The following NEK11 variants were observed in gnomAD, a reference collection of about 807,000 sequenced individuals.
The protein encoded by NEK11 is serine/threonine-protein kinase Nek11.
In NEK11, 72 loss-of-function variants were observed where a neutral mutation model predicts 80.7. The observed-to-expected ratio is 0.89, with a 90% confidence interval of 0.74 to 1.08. NEK11 has a LOEUF of 1.08. Ranked by LOEUF, NEK11 falls within the 50% of genes least tolerant of loss-of-function variation. The pLI is 0.00. For synonymous variants in NEK11, 251 were observed against 260.7 expected (o/e 0.96, Z 0.36); for missense variants, 764 against 763.6 (o/e 1.00, Z -0.01).
At chr3:131,031,122 G>A (rs980016096) in intron 3 of NEK11, among the ~76,000 whole-genome samples, 3 of 152,322 alleles carry the variant, frequency 2.0e-5, no homozygotes, top group Admixed American at 6.5e-5. Flanking sequence ...CATAGGAATT[G>A]TAAAGGTAAA....
chr3:131,294,962 T>A (rs1346983101), intron 17 of NEK11, among the ~76,000 whole-genome samples: 2 of 152,184 alleles, frequency 1.3e-5, no homozygotes, highest in Non-Finnish European at 2.9e-5. Flanking sequence ...TAATTGTGTC[T>A]TTATATTTAA....
intron 3 of NEK11, among the ~76,000 whole-genome samples, chr3:131,073,836 G>A (rs2073878065): frequency 6.6e-6 from 1 of 152,156 alleles, no homozygotes; most frequent in African/African-American, 2.4e-5. Flanking sequence ...GCCTGCACAT[G>A]CAATTCTGCC....
intron 17 of NEK11, among the ~76,000 whole-genome samples, chr3:131,341,210 C>T (rs1287096647): frequency 2.0e-5 from 3 of 152,072 alleles, no homozygotes; most frequent in Non-Finnish European, 4.4e-5. Flanking sequence ...GGCAATATTC[C>T]AAGACTAGAA....
At chr3:131,038,756 C>T (rs2066015863) in intron 3 of NEK11, among the ~76,000 whole-genome samples, 1 of 152,154 alleles carries the variant, frequency 6.6e-6, no homozygotes, top group Non-Finnish European at 1.5e-5. Context: ...GTATTAGTGT[C>T]AGCAGTAAAA....
chr3:131,127,269 CTA>C (rs1468520676), intron 5 of NEK11, among the ~76,000 whole-genome samples: 1 of 152,032 alleles, frequency 6.6e-6, no homozygotes, highest in Non-Finnish European at 1.5e-5. Context: ...CTAGCCTTTT[CTA>C]TGTTTTTAAT....
chr3:131,142,147 G>A (rs1442917339), intron 7 of NEK11, among the ~76,000 whole-genome samples: 2 of 152,228 alleles, frequency 1.3e-5, no homozygotes, highest in African/African-American at 4.8e-5. Flanking sequence ...GAGAGAAAGA[G>A]CATGTGTCTG....
chr3:131,152,713 T>G lies in NEK11; in HGVS notation c.876+4T>G. ...TTACCTTGATGAGCAGCTACAGGTA[T>G]TTAAAATGAAAGGGATTCTGGGAAA... On this transcript the variant is annotated splice_donor_region_variant and intron_variant, in intron 9 of 17. Transcript: ENST00000383366. 1 of 1,599,264 alleles carries G rather than the reference T, an allele frequency of 6.3e-7. No homozygotes were observed. The highest frequency in any genetic ancestry group is 8.6e-7 in the Non-Finnish European group (1 of 1,167,902).
intron 13 of NEK11, 135 bp from the exon 14 acceptor site, chr3:131,170,638 T>A: frequency 3.2e-6 from 2 of 628,744 alleles, no homozygotes; most frequent in East Asian, 2.7e-5. Flanking sequence ...CCTCCTGAAG[T>A]TTGAAAACGT....
chr3:131,144,156 T>C (rs959835377), intron 7 of NEK11, among the ~76,000 whole-genome samples: 3 of 152,248 alleles, frequency 2.0e-5, no homozygotes, highest in Non-Finnish European at 4.4e-5. Flanking sequence ...ATTTTCTCAG[T>C]AGTTCCGGAC....
At chr3:131,213,943 C>T (rs1208730167) in intron 14 of NEK11, among the ~76,000 whole-genome samples, 5 of 152,102 alleles carry the variant, frequency 3.3e-5, no homozygotes, top group African/African-American at 4.8e-5. Context: ...GGATTAGTTC[C>T]GTTGTAAGTA....
intron 17 of NEK11, among the ~76,000 whole-genome samples, chr3:131,346,986 A>G (rs1328362393): frequency 6.6e-6 from 1 of 152,242 alleles, no homozygotes; most frequent in Non-Finnish European, 1.5e-5. Flanking sequence ...GGTGGAAGAA[A>G]GAGTGGGCTA....
intron 17 of NEK11, among the ~76,000 whole-genome samples, chr3:131,315,282 C>A (rs1446310012): frequency 6.6e-6 from 1 of 152,140 alleles, no homozygotes; most frequent in Non-Finnish European, 1.5e-5. Flanking sequence ...TCCCTCCCCC[C>A]AACAGCCACC....
At chr3:131,323,237 C>A (rs1581935907) in intron 17 of NEK11, among the ~76,000 whole-genome samples, 1 of 152,228 alleles carries the variant, frequency 6.6e-6, no homozygotes, top group Non-Finnish European at 1.5e-5. Context: ...CTCAGCATTT[C>A]TAGGCAAAAA....
intron 14 of NEK11, among the ~76,000 whole-genome samples, chr3:131,174,208 C>A (rs145033819): frequency 2.6e-5 from 4 of 152,212 alleles, no homozygotes; most frequent in South Asian, 2.1e-4. Context: ...GAAAATGCAA[C>A]CTTTGGGTTT....
At chr3:131,198,995 C>A (rs1048268715) in intron 14 of NEK11, among the ~76,000 whole-genome samples, 4 of 152,190 alleles carry the variant, frequency 2.6e-5, no homozygotes. Context: ...ACGTTCCTCA[C>A]TGAGTGCCCT....
At chr3:131,151,656 G>A (rs1373867963) in intron 7 of NEK11, among the ~76,000 whole-genome samples, 2 of 151,180 alleles carry the variant, frequency 1.3e-5, no homozygotes, top group Non-Finnish European at 3.0e-5. Context: ...CAGGAGAAGT[G>A]CCATTATTTC....
Position 131,165,626 on chromosome 3 carries a change from A to T in NEK11, c.1176+107A>T, listed in dbSNP as rs79369967. Reference sequence around the variant, plus strand: ...CAAGGGAGAAAACAAGAACATCCAGATTAACTTCACCCAATTCCAGGAAGG... The same window carrying T: ...CAAGGGAGAAAACAAGAACATCCAGTTTAACTTCACCCAATTCCAGGAAGG... On this transcript the variant is annotated intron_variant, in intron 12 of 17. Transcript: ENST00000383366. 1,060 of 680,982 alleles carry T rather than the reference A, an allele frequency of 1.6e-3. 15 individuals carry two copies. In the African/African-American group the frequency reaches 0.017, roughly 11 times the overall value. The allele number at this position is 680,982 out of a possible 1,614,324, so 42.2% of individuals were successfully genotyped here. A position where few individuals can be genotyped will look rare whatever the true frequency, so the allele number is the denominator to read the frequency against.
intron 4 of NEK11, chr3:131,109,544 G>T: frequency 3.2e-6 from 1 of 315,564 alleles, no homozygotes; most frequent in Non-Finnish European, 5.7e-6. Flanking sequence ...CCATCCTAGG[G>T]TTGTGGCCTT....
chr3:131,334,305 T>C (rs1394541408), intron 17 of NEK11, among the ~76,000 whole-genome samples: 1 of 152,134 alleles, frequency 6.6e-6, no homozygotes, highest in African/African-American at 2.4e-5. Context: ...ATCTCAGCAT[T>C]AAGAAACTCA....
Sources: gnomAD v4.1 joint callset for allele counts (sites outside exome capture counted in the v4.1 genomes callset) on GRCh38, gnomAD v4.1.1 for gene constraint, MANE v1.5 for transcripts, NCBI Gene and HGNC (gene_info 2026-07-23, HGNC 2026-07-21) for gene names.